PDE6B: variants seen among roughly 807,000 people sequenced by gnomAD.
PDE6B encodes phosphodiesterase 6B, also known as rod cGMP-specific 3',5'-cyclic phosphodiesterase subunit beta.
A neutral mutation model predicts 109.0 loss-of-function variants in PDE6B; 106 were observed. That is an observed-to-expected ratio of 0.97 (90% CI 0.83 to 1.14). The LOEUF is 1.14. PDE6B is among the 50% of genes most tolerant of loss of function. PDE6B has a pLI of 0.00. For synonymous variants in PDE6B, 490 were observed against 471.3 expected (o/e 1.04, Z -0.51); for missense variants, 1,193 against 1,155.6 (o/e 1.03, Z -0.47).
At chr4:653,541 G>A (rs1434325430) in intron 3 of PDE6B, 3 of 502,186 alleles carry the variant, frequency 6.0e-6, no homozygotes, top group Non-Finnish European at 1.1e-5. Flanking sequence ...GGCGGAGGAA[G>A]GGCTGGTCGG....
At chr4:660,664 A>G (rs545882043) in intron 12 of PDE6B, 51 bp downstream of exon 12, 13 of 1,550,376 alleles carry the variant, frequency 8.4e-6, no homozygotes, top group South Asian at 4.5e-5. Context: ...CGCCCAGGAC[A>G]TGGGGGTGGG....
chr4:644,539 T>C (rs1357753456), intron 3 of PDE6B, among the ~76,000 whole-genome samples: 1 of 151,922 alleles, frequency 6.6e-6, no homozygotes, highest in African/African-American at 2.4e-5. Flanking sequence ...TTTTTATTTT[T>C]ATTTTTTTGA....
chr4:638,130 A>G (rs1734782964), intron 3 of PDE6B, among the ~76,000 whole-genome samples: 1 of 152,134 alleles, frequency 6.6e-6, no homozygotes. Flanking sequence ...GTGGAACTGT[A>G]GTCTGATGGG....
intron 4 of PDE6B, 21 bp from the exon 5 acceptor site, chr4:654,059 C>A (rs1474609750): frequency 6.2e-7 from 1 of 1,613,636 alleles, no homozygotes; most frequent in South Asian, 1.1e-5. Flanking sequence ...ACCGCCCCAC[C>A]CTCACCTCTT....
intron 3 of PDE6B, among the ~76,000 whole-genome samples, chr4:645,290 A>ATTTTTTTTT (rs530937075): frequency 8.5e-6 from 1 of 117,760 alleles, no homozygotes; most frequent in Non-Finnish European, 1.7e-5. Flanking sequence ...GGCTAGTCAC[A>ATTTTTTTTT]TTTTTTTTTT....
chr4:667,427 G>A (rs1371755958), intron 20 of PDE6B, among the ~76,000 whole-genome samples: 3 of 152,066 alleles, frequency 2.0e-5, no homozygotes, highest in Non-Finnish European at 2.9e-5. Context: ...TCCCCACCCC[G>A]CCACACTCCA....
chr4:634,189 C>T (rs192732513), intron 1 of PDE6B, among the ~76,000 whole-genome samples: 2 of 152,260 alleles, frequency 1.3e-5, no homozygotes, highest in African/African-American at 4.8e-5. Context: ...AAGTGTCCGA[C>T]GAACAAGCCC....
In PDE6B at chr4:654,062, C is replaced by T. The variant is rs1735877814; in HGVS notation, c.853-18C>T. 1 of 1,613,762 alleles carries T rather than the reference C, an allele frequency of 6.2e-7. No individual in the cohort carries two copies. The highest frequency in any genetic ancestry group is 1.3e-5 in the African/African-American group (1 of 75,074). On this transcript the variant is annotated intron_variant, in intron 4 of 21. Coordinates refer to ENST00000496514, the MANE Select transcript of PDE6B (RefSeq NM_000283.4). ...GGTCCCGCAGTGACCGCCCCACCCT[C>T]ACCTCTTCTCTGCCCAGGAATTTTT...
intron 3 of PDE6B, among the ~76,000 whole-genome samples, chr4:640,280 A>C (rs1220803492): frequency 6.6e-6 from 1 of 152,046 alleles, no homozygotes; most frequent in Non-Finnish European, 1.5e-5. Context: ...TGGCTCATGT[A>C]ATCCCAGCAC....
At position 666,480 on chromosome 4, in the gene PDE6B, A is replaced by G; in HGVS notation, c.2269-51A>G. 2.3e-6 allele frequency: 3 copies of G among 1,302,712 alleles called. No individual in the cohort carries two copies. Among genetic ancestry groups the G allele is most frequent in the South Asian group, 1.2e-5 (1 of 84,830 alleles). The allele number at this position is 1,302,712 out of a possible 1,614,324, so 80.7% of individuals were successfully genotyped here. A position where few individuals can be genotyped will look rare whatever the true frequency, so the allele number is the denominator to read the frequency against. On this transcript the variant is annotated intron_variant, in intron 19 of 21. Transcript: ENST00000496514. This position sits in a 1 kb window ranked among gnomAD's most constrained non-coding sequence, Gnocchi z 5.6. ...GGGTCGGGGGGCTGGGCGGGGCCCC[A>G]GGAGCTGCCTCCCTGGTCACTGTTC...
rs1433439352 is a variant in PDE6B at position 665,393 on chromosome 4, A to G, written c.2268+64A>G. 5 of 1,116,694 alleles carry G rather than the reference A, an allele frequency of 4.5e-6. No individual in the cohort carries two copies. The Admixed American group carries it at 5.3e-5, about 12-fold the overall frequency. 69.2% of individuals were successfully genotyped at this position (1,116,694 alleles called of 1,614,324 possible). A position where few individuals can be genotyped will look rare whatever the true frequency, so the allele number is the denominator to read the frequency against. On this transcript the variant is annotated intron_variant, in intron 19 of 21. Transcript: ENST00000496514. This position sits in a 1 kb window ranked among gnomAD's most constrained non-coding sequence, Gnocchi z 4.0. The stretch of plus-strand genomic sequence containing the variant: ...GTGTTAGAGACCCCTCTTGGTCCTC[A>G]GGAGCCTCAGGTCCTGGCTTGGTCT...
At chr4:658,890 C>T in intron 10 of PDE6B, 62 bp from the exon 11 acceptor site, 2 of 1,221,884 alleles carry the variant, frequency 1.6e-6, no homozygotes, top group Middle Eastern at 1.9e-4. Context: ...GGTGGACGCA[C>T]CGCCGTCACC....
In PDE6B at chr4:670,548, TATAAACTGAAGCCAACTGTGA is replaced by T. The variant is rs1040666373; in HGVS notation, c.*450_*470del. ...TGAGCCACCACGCCCAGCCTGTTTT[TATAAACTGAAGCCAACTGTGA>T]ATAAACTGTAGCCTACATTACTCAT... On this transcript the variant is annotated 3_prime_UTR_variant, in exon 22 of 22. Transcript: ENST00000496514. 4 of 222,492 alleles carry T rather than the reference TATAAACTGAAGCCAACTGTGA, an allele frequency of 1.8e-5. No individual in the cohort carries two copies. Among genetic ancestry groups the T allele is most frequent in the South Asian group, 5.7e-5 (1 of 17,522 alleles). The allele number at this position is 222,492 out of a possible 1,614,324, so 13.8% of individuals were successfully genotyped here.
At chr4:640,661 G>A (rs995563710) in intron 3 of PDE6B, among the ~76,000 whole-genome samples, 2 of 152,140 alleles carry the variant, frequency 1.3e-5, no homozygotes, top group African/African-American at 4.8e-5. Context: ...GCTAGAGGTT[G>A]TATAGATTTG....
At chr4:659,714 G>C (rs28407346) in intron 11 of PDE6B, among the ~76,000 whole-genome samples, 1 of 151,340 alleles carries the variant, frequency 6.6e-6, no homozygotes, top group Non-Finnish European at 1.5e-5. Flanking sequence ...GTGTGTGCCC[G>C]TGTGTGCACC....
intron 1 of PDE6B, among the ~76,000 whole-genome samples, chr4:632,891 T>C (rs192289423): frequency 1.3e-5 from 2 of 152,278 alleles, no homozygotes; most frequent in Non-Finnish European, 2.9e-5. Context: ...GGTGTCATGC[T>C]GTGAAGATCA....
At position 663,323 on chromosome 4, in the gene PDE6B, G is replaced by C; in HGVS notation, c.1920+136G>C. 1.5e-6 allele frequency: 1 copy of C among 689,464 alleles called. No individual in the cohort carries two copies. Among genetic ancestry groups the C allele is most frequent in the South Asian group, 1.5e-5 (1 of 65,024 alleles). The allele number at this position is 689,464 out of a possible 1,614,324, so 42.7% of individuals were successfully genotyped here. On this transcript the variant is annotated intron_variant, in intron 15 of 21. Coordinates refer to ENST00000496514, the MANE Select transcript of PDE6B (RefSeq NM_000283.4). The surrounding 1 kb of genome is among the most constrained non-coding windows in gnomAD (Gnocchi z 4.0). ...GGTGTGTGAGCACTGGGGGAGGGCGGCAGAGAAGGCGGAGGGCCGAGGCTG... is the reference window on the plus strand; with the variant it reads ...GGTGTGTGAGCACTGGGGGAGGGCGCCAGAGAAGGCGGAGGGCCGAGGCTG...
chr4:659,993 A>C (rs750085290), intron 11 of PDE6B, among the ~76,000 whole-genome samples: 4 of 151,676 alleles, frequency 2.6e-5, no homozygotes, highest in Non-Finnish European at 4.4e-5. Context: ...GTGTTACCTC[A>C]TGGCTGTGTG....
intron 21 of PDE6B, among the ~76,000 whole-genome samples, chr4:668,765 C>CG (rs1358704215): frequency 1.3e-5 from 1 of 76,292 alleles, no homozygotes; most frequent in Non-Finnish European, 2.5e-5. Context: ...ATGCTATTCC[C>CG]CTACCCCATG....
Sources: gnomAD v4.1 joint callset for allele counts (sites outside exome capture counted in the v4.1 genomes callset) on GRCh38, gnomAD v4.1.1 for gene constraint, Gnocchi (gnomAD v3.1) non-coding constraint, MANE v1.5 for transcripts, NCBI Gene and HGNC (gene_info 2026-07-23, HGNC 2026-07-21) for gene names.